Variants in LMX1A observed in about 807,000 individuals in gnomAD.
LMX1A encodes the protein LIM homeobox transcription factor 1 alpha.
LMX1A carries 15 observed loss-of-function variants against 49.1 expected under a neutral mutation model. The observed-to-expected ratio is 0.31, with a 90% CI of 0.20 to 0.47. The LOEUF is 0.47. Ranked by LOEUF, LMX1A falls within the 20% of genes least tolerant of loss-of-function variation. The pLI is 1.00. For missense variants in LMX1A, 372 were observed against 475.8 expected, an observed-to-expected ratio of 0.78 and a Z score of 2.03; for synonymous variants, 167 against 185.7, an observed-to-expected ratio of 0.90 and a Z score of 0.82.
At chr1:165,209,288 T>C (rs532475478) in intron 6 of LMX1A, among the ~76,000 whole-genome samples, 11 of 152,320 alleles carry the variant, frequency 7.2e-5, no homozygotes, top group African/African-American at 2.6e-4. Context: ...GTAAAGCATA[T>C]ATTTGGTCGT....
intron 8 of LMX1A, 104 bp downstream of exon 8, chr1:165,205,760 T>C: frequency 3.6e-6 from 4 of 1,114,506 alleles, no homozygotes; most frequent in Non-Finnish European, 5.3e-6. Context: ...TTATTCTGCT[T>C]TGGAACTTCG....
chr1:165,236,851 A>AT (rs1246521664), intron 4 of LMX1A, among the ~76,000 whole-genome samples: 2 of 31,550 alleles, frequency 6.3e-5, no homozygotes, highest in Non-Finnish European at 1.1e-4. Flanking sequence ...AGGAGTTCAA[A>AT]GTTTTTTTTT....
chr1:165,230,679 G>C (rs1183392987), intron 4 of LMX1A, among the ~76,000 whole-genome samples: 1 of 152,206 alleles, frequency 6.6e-6, no homozygotes, highest in African/African-American at 2.4e-5. Flanking sequence ...AAGAAACTTG[G>C]AGAGCATCTA....
chr1:165,236,444 G>A (rs970845430), intron 4 of LMX1A, among the ~76,000 whole-genome samples: 12 of 151,916 alleles, frequency 7.9e-5, no homozygotes, highest in South Asian at 2.1e-4. Flanking sequence ...ATCTAGAGAT[G>A]CCGGGTCAAA....
chr1:165,261,080 G>T (rs1220757967), intron 3 of LMX1A, among the ~76,000 whole-genome samples: 1 of 152,138 alleles, frequency 6.6e-6, no homozygotes, highest in Non-Finnish European at 1.5e-5. Flanking sequence ...CAGTAATGGA[G>T]CCTGTGCACA....
intron 3 of LMX1A, among the ~76,000 whole-genome samples, chr1:165,313,471 CTT>C (rs34912339): frequency 0.012 from 1,383 of 114,830 alleles, 18 homozygotes; most frequent in African/African-American, 0.04. Context: ...CACCTTCTTC[CTT>C]TTTTTTTTTT....
chr1:165,353,159 C>T lies in LMX1A; in HGVS notation c.180G>A (p.Val60=), dbSNP rs754453955. ...GGGGCTCTTTGCAGGAGGCGCACTG[C>T]ACGCACTGCTCATGCCAGAAGCTGT... ...LNDSFWHEQC[V]QCASCKEPLE... is the part of the protein sequence containing the mutation. Residue 60 remains valine (V), a synonymous_variant, in exon 3 of 9, where the codon GTG becomes GTA. Coordinates refer to ENST00000342310, the MANE Select transcript of LMX1A (RefSeq NM_177398.4). 12 of 1,614,176 alleles carry T rather than the reference C, an allele frequency of 7.4e-6. No individual in the cohort carries two copies. In the South Asian group the frequency reaches 1.3e-4, roughly 18 times the overall value.
At chr1:165,267,348 G>A (rs1361389861) in intron 3 of LMX1A, among the ~76,000 whole-genome samples, 2 of 152,174 alleles carry the variant, frequency 1.3e-5, no homozygotes, top group African/African-American at 4.8e-5. Context: ...GTGTTCAGTA[G>A]CATGTGTCAA....
At chr1:165,284,377 G>A (rs1028412237) in intron 3 of LMX1A, among the ~76,000 whole-genome samples, 10 of 152,196 alleles carry the variant, frequency 6.6e-5, no homozygotes, top group East Asian at 1.9e-4. Flanking sequence ...GGCTCCATGC[G>A]TGTTTGAGGT....
chr1:165,250,092 G>C (rs1653003071), intron 3 of LMX1A, among the ~76,000 whole-genome samples: 1 of 152,056 alleles, frequency 6.6e-6, no homozygotes, highest in Non-Finnish European at 1.5e-5. Flanking sequence ...TGGGGTGGGG[G>C]AAGGGAGAGC....
Position 165,293,371 on chromosome 1 carries a change from C to T in LMX1A, c.264-43731G>A, listed in dbSNP as rs144540200. On this transcript the variant is annotated intron_variant, in intron 3 of 8. Coordinates refer to ENST00000342310, the MANE Select transcript of LMX1A (RefSeq NM_177398.4). ...TTGGTCCTCAAAATAACCATCTGAACCAGGTAGTAGCAACACCCCTGTGAG... is the reference window on the plus strand; with the variant it reads ...TTGGTCCTCAAAATAACCATCTGAATCAGGTAGTAGCAACACCCCTGTGAG... Among the ~76,000 whole-genome samples, 85 of 152,296 alleles carry T rather than the reference C, an allele frequency of 5.6e-4. 1 individual carries two copies. Among genetic ancestry groups the T allele is most frequent in the African/African-American group, 1.8e-3 (75 of 41,568 alleles).
chr1:165,251,109 G>A (rs1303350369), intron 3 of LMX1A, among the ~76,000 whole-genome samples: 1 of 148,940 alleles, frequency 6.7e-6, no homozygotes, highest in Non-Finnish European at 1.5e-5. Context: ...CTGAGACAGA[G>A]TCTCACTTTG....
chr1:165,302,715 T>C (rs916718962), intron 3 of LMX1A, among the ~76,000 whole-genome samples: 2 of 152,212 alleles, frequency 1.3e-5, no homozygotes, highest in Non-Finnish European at 2.9e-5. Flanking sequence ...GGTAAGGTCA[T>C]TTTTATTGCT....
chr1:165,291,989 G>C (rs1392582264), intron 3 of LMX1A, among the ~76,000 whole-genome samples: 1 of 150,184 alleles, frequency 6.7e-6, no homozygotes, highest in African/African-American at 2.4e-5. Context: ...GTGAACCCGG[G>C]AGGCGGAGCT....
At chr1:165,275,269 C>T (rs1653930440) in intron 3 of LMX1A, among the ~76,000 whole-genome samples, 1 of 152,190 alleles carries the variant, frequency 6.6e-6, no homozygotes, top group African/African-American at 2.4e-5. Flanking sequence ...AAGCAATTTG[C>T]TTCTGGGTCC....
intron 3 of LMX1A, among the ~76,000 whole-genome samples, chr1:165,335,509 T>A (rs1655871425): frequency 6.6e-6 from 1 of 152,070 alleles, no homozygotes; most frequent in African/African-American, 2.4e-5. Context: ...TTAAATACAG[T>A]ATGATTTAAG....
At chr1:165,231,029 A>G (rs1021521988) in intron 4 of LMX1A, among the ~76,000 whole-genome samples, 1 of 152,182 alleles carries the variant, frequency 6.6e-6, no homozygotes, top group African/African-American at 2.4e-5. Context: ...CCTAAAGTAA[A>G]TTATTTCACC....
chr1:165,246,548 C>T (rs763763536), intron 4 of LMX1A, among the ~76,000 whole-genome samples: 7 of 152,128 alleles, frequency 4.6e-5, no homozygotes, highest in Non-Finnish European at 7.4e-5. Context: ...ATAATTAGAA[C>T]GACATTCTAG....
rs367939136 is a variant in LMX1A, at chr1:165,283,252, C to T, written c.264-33612G>A. Among the ~76,000 whole-genome samples, 9 of 152,310 alleles carry T rather than the reference C, an allele frequency of 5.9e-5. No homozygotes were observed. In the East Asian group the frequency reaches 9.6e-4, roughly 16 times the overall value. ...AGTCACATACTGTACAGGTTTGTAA[C>T]ATAGAAGCAATAGGTTCTACCACAC... On this transcript the variant is annotated intron_variant, in intron 3 of 8. Transcript: ENST00000342310.
Sources: gnomAD v4.1 joint callset for allele counts (sites outside exome capture counted in the v4.1 genomes callset) on GRCh38, gnomAD v4.1.1 for gene constraint, MANE v1.5 for transcripts, NCBI Gene and HGNC (gene_info 2026-07-23, HGNC 2026-07-21) for gene names.